Variants in GON4L observed in about 807,000 individuals in gnomAD.
The protein encoded by GON4L is gon-4 like, also known as GON-4-like protein.
In GON4L, 87 loss-of-function variants were observed where a neutral mutation model predicts 211.8. That is an observed-to-expected ratio of 0.41 (90% CI 0.35 to 0.49). The LOEUF is 0.49. Among genes scored for constraint, GON4L ranks in the 20% least tolerant of loss-of-function variants. The pLI, the probability that GON4L is intolerant of heterozygous loss-of-function variation, is 0.15. For synonymous variants in GON4L, 875 were observed against 962.6 expected, an observed-to-expected ratio of 0.91 and a Z score of 1.68; for missense variants, 2,155 against 2,659.5, an observed-to-expected ratio of 0.81 and a Z score of 4.17.
intron 3 of GON4L, among the ~76,000 whole-genome samples, chr1:155,825,578 A>AC (rs1410213486): frequency 3.5e-5 from 5 of 144,912 alleles, no homozygotes; most frequent in Admixed American, 7.0e-5. Context: ...TCTCAAAACA[A>AC]AAAAAAAAAA....
At position 155,853,149 on chromosome 1, in the gene GON4L, C is replaced by T. The variant is rs6674865; in HGVS notation, c.505+127G>A. ...AGTTCACTGTTGACCCTTAGCAACA[C>T]AGCAGTTCCAATTCCGTACCAAATC... On this transcript the variant is annotated intron_variant, in intron 2 of 31. Coordinates refer to ENST00000368331, the MANE Select transcript of GON4L (RefSeq NM_001282860.2). 8.9e-3 allele frequency: 7,981 copies of T among 898,682 alleles called. 317 individuals are homozygous for T. In the African/African-American group the frequency reaches 0.089, roughly 10 times the overall value. 55.7% of individuals were successfully genotyped at this position (898,682 alleles called of 1,614,324 possible).
At position 155,767,363 on chromosome 1, in the gene GON4L, T is replaced by A. The variant is rs1473804007; in HGVS notation, c.2763+62A>T. ...ATTAGACGATTAAGGAAGCCCTTGA[T>A]ATTCTCTCAGAACTTTCAGTGACCT... On this transcript the variant is annotated intron_variant, in intron 20 of 31. Coordinates refer to ENST00000368331, the MANE Select transcript of GON4L (RefSeq NM_001282860.2). The A allele has an allele frequency of 3.1e-6, 5 of 1,613,966 alleles. No individual in the cohort carries two copies. In the East Asian group the frequency reaches 1.1e-4, roughly 36 times the overall value.
Position 155,790,695 on chromosome 1 carries a change from C to T in GON4L, c.1747+4355G>A, listed in dbSNP as rs113716888. Reference sequence around the variant, plus strand: ...GCACAGTGGCTCACGCCTGTAATCCCAGCACTTTGGGAGGCCGAGGTGGGC... The same window carrying T: ...GCACAGTGGCTCACGCCTGTAATCCTAGCACTTTGGGAGGCCGAGGTGGGC... On this transcript the variant is annotated intron_variant, in intron 12 of 31. Coordinates refer to ENST00000368331, the MANE Select transcript of GON4L (RefSeq NM_001282860.2). Among the ~76,000 whole-genome samples, 851 of 152,118 alleles carry T rather than the reference C, an allele frequency of 5.6e-3. 8 individuals are homozygous for T. The highest frequency in any genetic ancestry group is 0.019 in the African/African-American group (804 of 41,522).
chr1:155,753,449 G>A (rs1244009393), intron 28 of GON4L, 35 bp from the exon 29 acceptor site: 1 of 1,511,590 alleles, frequency 6.6e-7, no homozygotes, highest in Non-Finnish European at 9.2e-7. Flanking sequence ...AAGGTGTTCT[G>A]ACTGCCTATG....
chr1:155,778,135 G>A lies in GON4L; in HGVS notation c.1893-315C>T, dbSNP rs1664021186. Among the ~76,000 whole-genome samples the A allele has an allele frequency of 2.6e-5, 4 of 152,152 alleles. 1 individual carries two copies. In the South Asian group the frequency reaches 8.3e-4, roughly 32 times the overall value. ...ATCTGGATAAGAAAGCAGCCAAGGA[G>A]CTGGTGGGAACTCATCATTCTCATT... On this transcript the variant is annotated intron_variant, in intron 14 of 31. Coordinates refer to ENST00000368331, the MANE Select transcript of GON4L (RefSeq NM_001282860.2).
intron 13 of GON4L, chr1:155,784,748 G>A (rs1330936517): frequency 5.9e-6 from 1 of 169,370 alleles, no homozygotes; most frequent in Non-Finnish European, 1.3e-5. Flanking sequence ...GTAATTATTT[G>A]TACACAAAGT....
chr1:155,845,082 G>GT (rs1671100787), intron 2 of GON4L, among the ~76,000 whole-genome samples: 1 of 152,178 alleles, frequency 6.6e-6, no homozygotes, highest in African/African-American at 2.4e-5. Flanking sequence ...CTAAAACCCT[G>GT]TAAGATTGAA....
intron 6 of GON4L, among the ~76,000 whole-genome samples, chr1:155,817,371 G>A (rs1457103493): frequency 6.6e-6 from 1 of 152,076 alleles, no homozygotes; most frequent in Non-Finnish European, 1.5e-5. Flanking sequence ...CCATTTAATT[G>A]TAACCCAACC....
chr1:155,766,559 G>C lies in GON4L; in HGVS notation c.2914C>G (p.Leu972Val). 6.2e-7 allele frequency: 1 copy of C among 1,614,120 alleles called. No individual in the cohort carries two copies. The highest frequency in any genetic ancestry group is 8.5e-7 in the Non-Finnish European group (1 of 1,180,024). ...TTCAGGACTACACCCTTAGGCAATA[G>C]CAGTGGGTACCGAGATTCACTCCCC... ...ELGSESRYPL[L>V]LPKGVVLKLK... The change falls in exon 21 of 32, where the codon CTA becomes GTA. Residue 972 changes from leucine (L) to valine (V), a missense_variant. By Grantham distance (32) the Leu-to-Val change is conservative. Transcript: ENST00000368331.
intron 2 of GON4L, among the ~76,000 whole-genome samples, chr1:155,852,557 C>A (rs1382990155): frequency 6.6e-6 from 1 of 151,722 alleles, no homozygotes; most frequent in Non-Finnish European, 1.5e-5. Flanking sequence ...CTGGCTAACA[C>A]AGTGAAACCC....
At chr1:155,816,356 C>G in intron 6 of GON4L, 94 bp from the exon 7 acceptor site, 1 of 688,200 alleles carries the variant, frequency 1.5e-6, no homozygotes, top group Non-Finnish European at 2.7e-6. Flanking sequence ...CAGCCATATA[C>G]TTAACAAGTA....
upstream of GON4L, among the ~76,000 whole-genome samples, chr1:155,858,166 C>T (rs1400277577): frequency 6.6e-6 from 1 of 152,056 alleles, no homozygotes; most frequent in African/African-American, 2.4e-5. Context: ...TAATTCAATA[C>T]GTGCTTTTTG....
At chr1:155,773,736 T>C (rs543810112) in intron 17 of GON4L, among the ~76,000 whole-genome samples, 9 of 152,318 alleles carry the variant, frequency 5.9e-5, no homozygotes, top group Admixed American at 5.2e-4. Context: ...TCAGTCTCAT[T>C]CATTTCTCTC....
At position 155,791,728 on chromosome 1, in the gene GON4L, C is replaced by T. The variant is rs192338579; in HGVS notation, c.1747+3322G>A. Among the ~76,000 whole-genome samples the T allele has an allele frequency of 1.4e-3, 220 of 151,834 alleles. 2 individuals are homozygous for T. The highest frequency in any genetic ancestry group is 5.0e-3 in the African/African-American group (206 of 41,410). On this transcript the variant is annotated intron_variant, in intron 12 of 31. Coordinates refer to ENST00000368331, the MANE Select transcript of GON4L (RefSeq NM_001282860.2). ...ACTAAAAATACAAAAATTAGCTGGG[C>T]GTGGTGGCGGGCACCTGTAATCCCA...
intron 2 of GON4L, among the ~76,000 whole-genome samples, chr1:155,852,749 G>A (rs1380627332): frequency 2.6e-5 from 4 of 151,844 alleles, no homozygotes; most frequent in Admixed American, 6.6e-5. Context: ...TCTCAAAAAA[G>A]AAAGAAGAAA....
downstream of GON4L, among the ~76,000 whole-genome samples, chr1:155,745,575 G>A (rs1214260743): frequency 2.0e-5 from 3 of 152,216 alleles, no homozygotes; most frequent in Non-Finnish European, 2.9e-5. Context: ...CGCCCACCCC[G>A]CTCCAGCGTG....
intron 11 of GON4L, among the ~76,000 whole-genome samples, chr1:155,795,548 T>C (rs1263110979): frequency 6.6e-6 from 1 of 152,230 alleles, no homozygotes; most frequent in Non-Finnish European, 1.5e-5. Flanking sequence ...AGGTTGAGCA[T>C]TCCAAATCCA....
chr1:155,847,967 C>A (rs778889329), intron 2 of GON4L, among the ~76,000 whole-genome samples: 5 of 152,102 alleles, frequency 3.3e-5, no homozygotes, highest in Non-Finnish European at 5.9e-5. Flanking sequence ...GCCATGGCAA[C>A]CCCTAGAAGT....
At chr1:155,770,023 T>TAAAAA (rs59380170) in intron 19 of GON4L, among the ~76,000 whole-genome samples, 1 of 43,712 alleles carries the variant, frequency 2.3e-5, no homozygotes, top group African/African-American at 8.3e-5. Context: ...CTCCATTTCT[T>TAAAAA]AAAAAAAAAA....
Sources: allele counts gnomAD v4.1 joint callset (sites outside exome capture counted in the v4.1 genomes callset), GRCh38; gene constraint gnomAD v4.1.1; transcripts MANE v1.5; gene names NCBI Gene and HGNC (gene_info 2026-07-23, HGNC 2026-07-21).